PPARGC1A: variants seen among roughly 807,000 people sequenced by gnomAD.
PPARGC1A encodes the protein PPARG coactivator 1 alpha.
In PPARGC1A, 25 loss-of-function variants were observed where a neutral mutation model predicts 88.7. That is an observed-to-expected ratio of 0.28 (90% CI 0.21 to 0.39). PPARGC1A has a LOEUF of 0.39. PPARGC1A is among the 10% of genes least tolerant of loss of function. PPARGC1A has a pLI of 1.00. For missense variants in PPARGC1A, 880 were observed against 968.7 expected, an observed-to-expected ratio of 0.91 and a Z score of 1.22; for synonymous variants, 363 against 355.6, an observed-to-expected ratio of 1.02 and a Z score of -0.24.
the PPARGC1A span, among the ~76,000 whole-genome samples, chr4:24,008,447 G>A: frequency 3.3e-5 from 5 of 152,038 alleles, no homozygotes; most frequent in Admixed American, 2.0e-4. Flanking sequence ...TGTGAATTGC[G>A]ATTTGATGAA....
chr4:24,117,745 G>GA, the PPARGC1A span, among the ~76,000 whole-genome samples: 8 of 152,002 alleles, frequency 5.3e-5, no homozygotes, highest in South Asian at 1.5e-3. Context: ...GTCCTTTACA[G>GA]AAAAAAGACA....
At chr4:23,872,396 T>A (rs763147915) in intron 2 of PPARGC1A, among the ~76,000 whole-genome samples, 5 of 152,140 alleles carry the variant, frequency 3.3e-5, no homozygotes, top group African/African-American at 4.8e-5. Flanking sequence ...ACATCATAAA[T>A]TTCAGGTCTT....
At chr4:24,456,150 T>C in the PPARGC1A span, among the ~76,000 whole-genome samples, 2 of 152,138 alleles carry the variant, frequency 1.3e-5, no homozygotes, top group African/African-American at 4.8e-5. Flanking sequence ...GAAAGATTGA[T>C]GGGAGAATTT....
the PPARGC1A span, among the ~76,000 whole-genome samples, chr4:24,204,436 A>C: frequency 6.6e-6 from 1 of 152,088 alleles, no homozygotes; most frequent in Non-Finnish European, 1.5e-5. Flanking sequence ...TAAATTAAAA[A>C]ATAAATGTAA....
chr4:24,256,882 G>T, the PPARGC1A span, among the ~76,000 whole-genome samples: 1 of 152,158 alleles, frequency 6.6e-6, no homozygotes, highest in Admixed American at 6.6e-5. Context: ...TCTCAGTGCT[G>T]CTTGTTAAGA....
the PPARGC1A span, among the ~76,000 whole-genome samples, chr4:23,978,673 GA>G: frequency 1.3e-5 from 2 of 151,556 alleles, no homozygotes; most frequent in South Asian, 2.1e-4. Context: ...CATTTCTGGG[GA>G]ATTACAGCTA....
At chr4:24,231,613 TGC>T in the PPARGC1A span, among the ~76,000 whole-genome samples, 1 of 152,332 alleles carries the variant, frequency 6.6e-6, no homozygotes, top group Non-Finnish European at 1.5e-5. Flanking sequence ...GCTGCCCAGC[TGC>T]AGTTTGTACA....
the PPARGC1A span, among the ~76,000 whole-genome samples, chr4:23,923,912 A>G: frequency 6.6e-6 from 1 of 152,208 alleles, no homozygotes; most frequent in Non-Finnish European, 1.5e-5. Flanking sequence ...TGAGAGGACT[A>G]CACTCCAGAG....
the PPARGC1A span, among the ~76,000 whole-genome samples, chr4:24,160,134 C>G: frequency 0.013 from 2,025 of 152,328 alleles, 44 homozygotes; most frequent in African/African-American, 0.046. Context: ...CCCACTTAAC[C>G]TCTCTGGATT....
the PPARGC1A span, among the ~76,000 whole-genome samples, chr4:23,966,182 C>T: frequency 6.6e-6 from 1 of 152,192 alleles, no homozygotes; most frequent in Non-Finnish European, 1.5e-5. Flanking sequence ...CTGGCCTCCT[C>T]TTGCAGCAAC....
intron 2 of PPARGC1A, among the ~76,000 whole-genome samples, chr4:23,879,383 C>T (rs1715463418): frequency 1.3e-5 from 2 of 152,064 alleles, no homozygotes; most frequent in Admixed American, 6.6e-5. Flanking sequence ...ATGTTCTGTC[C>T]CTGAGGCAGT....
the PPARGC1A span, among the ~76,000 whole-genome samples, chr4:24,137,565 C>T: frequency 0.018 from 2,745 of 152,234 alleles, 43 homozygotes; most frequent in Admixed American, 0.036. Flanking sequence ...ATTGCCTAAA[C>T]AGGATACAGT....
intron 2 of PPARGC1A, among the ~76,000 whole-genome samples, chr4:23,862,014 T>C (rs963750159): frequency 3.3e-5 from 5 of 152,284 alleles, no homozygotes; most frequent in African/African-American, 1.2e-4. Flanking sequence ...TCTTAGTCAA[T>C]CAGTCAACGA....
intron 2 of PPARGC1A, among the ~76,000 whole-genome samples, chr4:23,865,952 TACACAC>T (rs140873233): frequency 3.3e-5 from 5 of 149,330 alleles, no homozygotes; most frequent in East Asian, 2.0e-4. Flanking sequence ...CATTTATTCC[TACACAC>T]ACACACACAC....
chr4:24,022,919 C>T, the PPARGC1A span, among the ~76,000 whole-genome samples: 1 of 152,180 alleles, frequency 6.6e-6, no homozygotes, highest in Non-Finnish European at 1.5e-5. Context: ...AATCCAGCAA[C>T]TGTACTTGAA....
chr4:24,065,776 TG>T, the PPARGC1A span, among the ~76,000 whole-genome samples: 1 of 152,072 alleles, frequency 6.6e-6, no homozygotes, highest in Non-Finnish European at 1.5e-5. Context: ...AAATGAGGCT[TG>T]GGGAGGTTAT....
the PPARGC1A span, among the ~76,000 whole-genome samples, chr4:24,021,406 C>T: frequency 1.9e-4 from 29 of 152,204 alleles, no homozygotes; most frequent in Non-Finnish European, 3.5e-4. Context: ...TATGTTTATT[C>T]ATTCCTTCCT....
chr4:24,051,652 T>C, the PPARGC1A span, among the ~76,000 whole-genome samples: 1 of 152,212 alleles, frequency 6.6e-6, no homozygotes, highest in Non-Finnish European at 1.5e-5. Flanking sequence ...GTAGAAGAAC[T>C]GGCATGAGAG....
At chr4:24,133,776 C>T in the PPARGC1A span, among the ~76,000 whole-genome samples, 3 of 152,142 alleles carry the variant, frequency 2.0e-5, no homozygotes, top group African/African-American at 7.2e-5. Context: ...GTTTATTTGC[C>T]TTCTCTGTAG....
Sources: allele counts gnomAD v4.1 joint callset (sites outside exome capture counted in the v4.1 genomes callset), GRCh38; gene constraint gnomAD v4.1.1; transcripts MANE v1.5; gene names NCBI Gene and HGNC (gene_info 2026-07-23, HGNC 2026-07-21).